The following MMP26 variants were observed in gnomAD, a reference collection of about 807,000 sequenced individuals.
MMP26 encodes matrix metalloproteinase-26.
A neutral mutation model predicts 31.0 loss-of-function variants in MMP26; 33 were observed. The ratio of observed to expected loss-of-function variants is 1.06; its 90% CI spans 0.81 to 1.42. The LOEUF is 1.42. MMP26 is among the 40% of genes most tolerant of loss of function. MMP26 has a pLI of 0.00. For synonymous variants in MMP26, 122 were observed against 114.9 expected (o/e 1.06, Z -0.40); for missense variants, 347 against 316.1 (o/e 1.10, Z -0.74).
At chr11:4,766,560 A>T (rs550099553) in intron 1 of MMP26, among the ~76,000 whole-genome samples, 1 of 152,314 alleles carries the variant, frequency 6.6e-6, no homozygotes, top group Admixed American at 6.5e-5. Context: ...TTCTGGCTAT[A>T]GATTTTCTGT....
intron 2 of MMP26, among the ~76,000 whole-genome samples, chr11:4,861,136 TACAC>T (rs201742700): frequency 6.7e-6 from 1 of 149,582 alleles, no homozygotes; most frequent in African/African-American, 2.4e-5. Flanking sequence ...TACATATAGA[TACAC>T]ACAGTTTCCA....
At chr11:4,827,777 C>G (rs773096100) in intron 2 of MMP26, among the ~76,000 whole-genome samples, 1 of 151,332 alleles carries the variant, frequency 6.6e-6, no homozygotes, top group Non-Finnish European at 1.5e-5. Flanking sequence ...CATCTTTTTC[C>G]TAAAAATTAC....
chr11:4,787,897 G>C (rs182709068), intron 2 of MMP26, among the ~76,000 whole-genome samples: 1 of 152,244 alleles, frequency 6.6e-6, no homozygotes, highest in Admixed American at 6.5e-5. Flanking sequence ...TTAAACCACA[G>C]TTCTTTGAAA....
At chr11:4,746,783 G>A (rs1046933570) in intron 1 of MMP26, among the ~76,000 whole-genome samples, 2 of 151,562 alleles carry the variant, frequency 1.3e-5, no homozygotes, top group Non-Finnish European at 2.9e-5. Flanking sequence ...GCAGTGAGCT[G>A]AGATTGTGCC....
In MMP26 at chr11:4,760,077, A is replaced by T. The variant is rs1321647471; in HGVS notation, c.-216-7193A>T. 2.6e-5 allele frequency among the ~76,000 whole-genome samples: 4 copies of T among 152,188 alleles called. No individual in the cohort carries two copies. In the East Asian group the frequency reaches 7.7e-4, roughly 29 times the overall value. Reference sequence around the variant, plus strand: ...GAGTACTCAAGATAAAGAGTATTTTATTTTATAAAGAGGAATATGAAGTCA... The same window carrying T: ...GAGTACTCAAGATAAAGAGTATTTTTTTTTATAAAGAGGAATATGAAGTCA... On this transcript the variant is annotated intron_variant, in intron 1 of 7. Coordinates refer to ENST00000380390, the MANE Select transcript of MMP26 (RefSeq NM_021801.5).
At chr11:4,793,705 G>C (rs1326073402) in intron 2 of MMP26, 1 of 152,148 alleles carries the variant, frequency 6.6e-6, no homozygotes, top group East Asian at 1.9e-4. Context: ...GATGAATTTG[G>C]TTATTTATAC....
rs1440695740 is a variant in MMP26 at position 4,990,740 on chromosome 11, C to T, written c.463C>T (p.Gln155Ter). 4 of 1,613,828 alleles carry T rather than the reference C, an allele frequency of 2.5e-6. No homozygotes were observed. The highest frequency in any genetic ancestry group is 2.7e-5 in the African/African-American group (2 of 74,898). ...GDADIKVSFW[Q>*]WAHEDGWPFD... ...TGCAGACATCAAGGTTTCTTTCTGG[C>T]AGTGGGGTAAGAAATTGACATGGGA... The change falls in exon 5 of 8, where the codon CAG (glutamine) becomes TAG (stop). Residue 155 changes from glutamine (Q) to a stop codon, truncating the protein, a stop_gained. Transcript: ENST00000380390. LOFTEE classifies it high-confidence loss of function.
At chr11:4,740,814 A>G (rs1192886359) in intron 1 of MMP26, among the ~76,000 whole-genome samples, 1 of 152,180 alleles carries the variant, frequency 6.6e-6, no homozygotes, top group Non-Finnish European at 1.5e-5. Flanking sequence ...TATAACTGGA[A>G]AGTACCTTAG....
chr11:4,818,837 T>C (rs1262277526), intron 2 of MMP26, among the ~76,000 whole-genome samples: 1 of 152,166 alleles, frequency 6.6e-6, no homozygotes, highest in Non-Finnish European at 1.5e-5. Context: ...TATATTATTA[T>C]ATTAATGTGA....
chr11:4,883,989 G>T (rs1850514632), intron 2 of MMP26, among the ~76,000 whole-genome samples: 1 of 152,004 alleles, frequency 6.6e-6, no homozygotes, highest in Non-Finnish European at 1.5e-5. Context: ...GGCAGATAGG[G>T]AACACCACTC....
intron 2 of MMP26, among the ~76,000 whole-genome samples, chr11:4,869,737 T>TA (rs1850286018): frequency 6.6e-6 from 1 of 152,220 alleles, no homozygotes; most frequent in Admixed American, 6.5e-5. Flanking sequence ...CAAAGGATTA[T>TA]AAATCATGCT....
Position 4,949,551 on chromosome 11 carries a change from C to T in MMP26, c.-144-38517C>T, listed in dbSNP as rs1314446952. On this transcript the variant is annotated intron_variant, in intron 2 of 7. Coordinates refer to ENST00000380390, the MANE Select transcript of MMP26 (RefSeq NM_021801.5). Reference sequence around the variant, plus strand: ...GGGGGCAAATCATACAGATGAGATACAGCTAAAGCAGTTCCTATACAGAAA... The same window carrying T: ...GGGGGCAAATCATACAGATGAGATATAGCTAAAGCAGTTCCTATACAGAAA... Among the ~76,000 whole-genome samples, 2 of 122,268 alleles carry T rather than the reference C, an allele frequency of 1.6e-5. 1 individual carries two copies. Among genetic ancestry groups the T allele is most frequent in the African/African-American group, 5.5e-5 (2 of 36,280 alleles). The allele number at this position is 122,268 out of a possible 152,430, so 80.2% of individuals were successfully genotyped here.
intron 1 of MMP26, chr11:4,710,665 C>A (rs1847849564): frequency 2.9e-6 from 1 of 343,606 alleles, no homozygotes; most frequent in Admixed American, 3.8e-5. Flanking sequence ...TTACACAGTT[C>A]TAAATGGTGA....
At chr11:4,728,681 G>T (rs552979278) in intron 1 of MMP26, among the ~76,000 whole-genome samples, 1 of 152,092 alleles carries the variant, frequency 6.6e-6, no homozygotes, top group South Asian at 2.1e-4. Context: ...ATTGCCTTTT[G>T]TCCCCTCTTA....
intron 2 of MMP26, among the ~76,000 whole-genome samples, chr11:4,779,376 T>C (rs1490961275): frequency 6.6e-6 from 1 of 152,066 alleles, no homozygotes; most frequent in Non-Finnish European, 1.5e-5. Flanking sequence ...TAAATGTTCT[T>C]ACTGAGTTAT....
At position 4,769,116 on chromosome 11, in the gene MMP26, G is replaced by A. The variant is rs145204134; in HGVS notation, c.-145+1775G>A. 299 of 1,605,002 alleles carry A rather than the reference G, an allele frequency of 1.9e-4. No homozygotes were observed. Among genetic ancestry groups the A allele is most frequent in the Middle Eastern group, 1.0e-3 (6 of 6,016 alleles). ...GAATGGACTACTCTGGGGGCTGACC[G>A]ACCATAGCGATACACCAAGGACAGG... On this transcript the variant is annotated intron_variant, in intron 2 of 7. Coordinates refer to ENST00000380390, the MANE Select transcript of MMP26 (RefSeq NM_021801.5).
At chr11:4,914,889 G>A in intron 2 of MMP26, 1 of 1,614,174 alleles carries the variant, frequency 6.2e-7, no homozygotes, top group Non-Finnish European at 8.5e-7. Flanking sequence ...CCAATCATGG[G>A]AGTGTAGAAG....
intron 2 of MMP26, among the ~76,000 whole-genome samples, chr11:4,789,527 C>T (rs978788553): frequency 4.4e-5 from 5 of 114,470 alleles, no homozygotes; most frequent in Non-Finnish European, 7.0e-5. Flanking sequence ...AGATATCCCC[C>T]CACTTTTTTT....
Position 4,843,404 on chromosome 11 carries a change from A to G in MMP26, c.-145+76063A>G, listed in dbSNP as rs957170809. 3.3e-5 allele frequency among the ~76,000 whole-genome samples: 5 copies of G among 152,128 alleles called. 1 individual carries two copies. Among genetic ancestry groups the G allele is most frequent in the Admixed American group, 1.3e-4 (2 of 15,268 alleles). On this transcript the variant is annotated intron_variant, in intron 2 of 7. Transcript: ENST00000380390. The stretch of plus-strand genomic sequence containing the variant: ...CTGCAATCTAGGTAGAGGCTCCCAA[A>G]CCTAAACTCTTGCCTTCTGTACACC...
Sources: gnomAD v4.1 joint callset for allele counts (sites outside exome capture counted in the v4.1 genomes callset) on GRCh38, gnomAD v4.1.1 for gene constraint, MANE v1.5 for transcripts, NCBI Gene and HGNC (gene_info 2026-07-23, HGNC 2026-07-21) for gene names.